The following PNCK variants were observed in gnomAD, a reference collection of about 807,000 sequenced individuals.
PNCK encodes calcium/calmodulin-dependent protein kinase type 1B.
A neutral mutation model predicts 28.3 loss-of-function variants in PNCK; 21 were observed. The ratio of observed to expected loss-of-function variants is 0.74; its 90% CI spans 0.53 to 1.07. The LOEUF (loss-of-function observed/expected upper bound fraction) is 1.07. PNCK is among the 50% of genes least tolerant of loss of function. PNCK has a pLI of 0.00. For missense variants in PNCK, 250 were observed against 298.3 expected (o/e 0.84, Z 1.19); for synonymous variants, 136 against 125.2 (o/e 1.09, Z -0.58).
Position 153,671,886 on chromosome X carries a change from G to A in PNCK, c.408C>T (p.Asp136=). The change falls in exon 5 of 12, where the codon GAC becomes GAT. Residue 136 remains aspartate, a synonymous_variant. Transcript: ENST00000340888. ...YLHSLGIVHR[D]LKPENLLYAT... ...AGAGGCCCCAGCCAGGCACCTTGAG[G>A]TCCCGGTGCACGATCCCCAGGCTGT... is the stretch of plus-strand genomic sequence containing the variant. 1 of 1,208,256 alleles carries A rather than the reference G, an allele frequency of 8.3e-7. No individual in the cohort carries two copies. Among genetic ancestry groups the A allele is most frequent in the Non-Finnish European group, 1.1e-6 (1 of 894,460 alleles).
At chrX:153,674,017 C>T, upstream of PNCK, 2 of 1,186,313 alleles carry the variant, frequency 1.7e-6, no homozygotes, top group Non-Finnish European at 1.1e-6. Context: ...GGAGCTGCGG[C>T]CCGGCTGGGC....
chrX:153,673,929 C>T (rs2091346716), upstream of PNCK: 3 of 1,017,207 alleles, frequency 2.9e-6, no homozygotes, highest in Non-Finnish European at 3.7e-6. Context: ...CGCAGGGCAC[C>T]TTGTAAGGCA....
chrX:153,672,696 C>G lies in PNCK; in HGVS notation c.70G>C (p.Gly24Arg), dbSNP rs1557040418. ...VYEIRERLGS[G>R]AFSEVVLAQE... ...GCCAGCACCACCTCGGAGAAGGCAC[C>G]CCTGCCGCAGACGGGGCGGTGGGAG... The change falls in exon 3 of 12, where the codon GGT becomes CGT. Residue 24 changes from glycine (G) to arginine (R), a missense_variant and splice_region_variant. Physicochemically the swap from Gly to Arg is moderately radical, Grantham distance 125. Coordinates refer to ENST00000340888, the MANE Select transcript of PNCK (RefSeq NM_001366977.1). 8.4e-7 allele frequency: 1 copy of G among 1,197,383 alleles called. No individual in the cohort carries two copies. The highest frequency in any genetic ancestry group is 1.8e-5 in the South Asian group (1 of 56,437).
chrX:153,674,020 G>C (rs782642964), upstream of PNCK: 4 of 1,187,956 alleles, frequency 3.4e-6, no homozygotes, highest in Non-Finnish European at 4.5e-6. Context: ...GCTGCGGCCC[G>C]GCTGGGCCGG....
chrX:153,684,774 C>A (rs1171202628), intron 1 of PNCK, among the ~76,000 whole-genome samples: 3 of 102,810 alleles, frequency 2.9e-5, no homozygotes, highest in Non-Finnish European at 6.0e-5. Context: ...GGCTCCAATT[C>A]TCAGGCCTCC....
rs1466372050 is a variant in PNCK, at chrX:153,673,750, G to A, written c.-3+30C>T. On this transcript the variant is annotated intron_variant, in intron 1 of 11. Transcript: ENST00000340888. Reference sequence around the variant, plus strand: ...CGGATCCGGTGCGCCCCCGCCCCGCGCGTCCCCGCGCCCCGGAGCAGGTGC... The same window carrying A: ...CGGATCCGGTGCGCCCCCGCCCCGCACGTCCCCGCGCCCCGGAGCAGGTGC... 9.5e-6 allele frequency: 7 copies of A among 734,436 alleles called. No individual in the cohort carries two copies. The African/African-American group carries it at 1.2e-4, about 12-fold the overall frequency. 60.5% of individuals were successfully genotyped at this position (734,436 alleles called of 1,213,427 possible). A position where few individuals can be genotyped will look rare whatever the true frequency, so the allele number is the denominator to read the frequency against.
chrX:153,671,534 G>A lies in PNCK; in HGVS notation c.538+15C>T. 8.3e-7 allele frequency: 1 copy of A among 1,211,894 alleles called. No individual in the cohort carries two copies. The highest frequency in any genetic ancestry group is 1.1e-6 in the Non-Finnish European group (1 of 895,484). On this transcript the variant is annotated intron_variant, in intron 6 of 11. Transcript: ENST00000340888. ...CCACCCCACTCCCAGCAAGCCTCAG[G>A]GTGTCGTCCCTCACCCACATATCCA...
chrX:153,683,221 A>C (rs1315014316), intron 1 of PNCK, among the ~76,000 whole-genome samples: 3 of 111,912 alleles, frequency 2.7e-5, no homozygotes, highest in Admixed American at 9.4e-5. Context: ...GCTCACTGCA[A>C]GCTCCGCCTC....
At chrX:153,676,460 C>T (rs2091366637), upstream of PNCK, among the ~76,000 whole-genome samples, 1 of 112,119 alleles carries the variant, frequency 8.9e-6, no homozygotes, top group South Asian at 3.6e-4. Context: ...CAAGGACAAA[C>T]GGCATAAGGA....
At chrX:153,677,687 GTGTATATATAGTGTGTGTA>G (rs1285796931), upstream of PNCK, among the ~76,000 whole-genome samples, 2,406 of 85,109 alleles carry the variant, frequency 0.028, 88 homozygotes, top group African/African-American at 0.097. Flanking sequence ...TGTATATATA[GTGTATATATAGTGTGTGTA>G]TATATATAGT....
Position 153,669,973 on chromosome X carries a change from C to T in PNCK, c.*165G>A, listed in dbSNP as rs983928351. ...AGGCAGGGCAGAGCCTGGGGACAGA[C>T]TTGGGGGTGCCCCATTCCAACCCCA... On this transcript the variant is annotated 3_prime_UTR_variant, in exon 12 of 12. Coordinates refer to ENST00000340888, the MANE Select transcript of PNCK (RefSeq NM_001366977.1). 1.6e-4 allele frequency: 52 copies of T among 318,124 alleles called. 1 individual carries two copies. In the Admixed American group the frequency reaches 1.8e-3, roughly 11 times the overall value. The allele number at this position is 318,124 out of a possible 1,213,427, so 26.2% of individuals were successfully genotyped here.
At position 153,673,258 on chromosome X, in the gene PNCK, C is replaced by G. The variant is rs781871862; in HGVS notation, c.-2-180G>C. The G allele has an allele frequency of 5.0e-6, 6 of 1,199,500 alleles. No homozygotes were observed. In the East Asian group the frequency reaches 1.8e-4, roughly 36 times the overall value. ...CGCCTCCCAGCGAGGCCACCGCATA[C>G]ACGCCTCCACATCCCAGGCCTACAG... On this transcript the variant is annotated intron_variant, in intron 1 of 11. Coordinates refer to ENST00000340888, the MANE Select transcript of PNCK (RefSeq NM_001366977.1).
chrX:153,685,423 C>T (rs1033845070), intron 1 of PNCK, among the ~76,000 whole-genome samples: 1 of 111,325 alleles, frequency 9.0e-6, no homozygotes, highest in Non-Finnish European at 1.9e-5. Flanking sequence ...CGGAGCTCCC[C>T]GCCGGGAACT....
intron 1 of PNCK, among the ~76,000 whole-genome samples, chrX:153,684,016 A>T (rs994828297): frequency 8.9e-6 from 1 of 112,623 alleles, no homozygotes; most frequent in South Asian, 3.7e-4. Flanking sequence ...TGTTAGCAGA[A>T]TTCAGGCCCC....
upstream of PNCK, among the ~76,000 whole-genome samples, chrX:153,678,039 G>A (rs970617588): frequency 7.4e-5 from 8 of 108,734 alleles, no homozygotes; most frequent in Non-Finnish European, 1.1e-4. Context: ...ATACACACGC[G>A]CATCAGTATC....
intron 1 of PNCK, chrX:153,687,428 C>T (rs1458330931): frequency 2.1e-5 from 7 of 326,643 alleles, no homozygotes; most frequent in Non-Finnish European, 4.1e-5. Flanking sequence ...AGAGGCCTGT[C>T]ACCTGAAGAG....
At chrX:153,672,882 T>C (rs1557040531) in intron 2 of PNCK, 127 bp downstream of exon 2, 1 of 942,674 alleles carries the variant, frequency 1.1e-6, no homozygotes, top group Admixed American at 2.8e-5. Flanking sequence ...CACACACCCC[T>C]ACATATTCAC....
At chrX:153,673,237 T>C (rs782070231) in intron 1 of PNCK, 159 bp from the exon 2 acceptor site, 30 of 1,177,067 alleles carry the variant, frequency 2.5e-5, no homozygotes, top group Non-Finnish European at 3.3e-5. Context: ...GACGGACGCC[T>C]CCCAGCGAGG....
At position 153,673,001 on chromosome X, in the gene PNCK, A is replaced by G. The variant is rs1557040635; in HGVS notation, c.68+8T>C. The stretch of plus-strand genomic sequence containing the variant: ...CACACACGATCACACACGCGCGCGC[A>G]CACTCACGAGCCGAGCCTCTCGCGG... On this transcript the variant is annotated splice_region_variant and intron_variant, in intron 2 of 11. Coordinates refer to ENST00000340888, the MANE Select transcript of PNCK (RefSeq NM_001366977.1). 1 of 1,177,704 alleles carries G rather than the reference A, an allele frequency of 8.5e-7. No individual in the cohort carries two copies. The highest frequency in any genetic ancestry group is 1.9e-5 in the South Asian group (1 of 53,653).
Sources: allele counts gnomAD v4.1 joint callset (sites outside exome capture counted in the v4.1 genomes callset), GRCh38; gene constraint gnomAD v4.1.1; transcripts MANE v1.5; gene names NCBI Gene and HGNC (gene_info 2026-07-23, HGNC 2026-07-21).